Variants in MAST2 observed in about 807,000 individuals in gnomAD.
The protein encoded by MAST2 is microtubule associated serine/threonine kinase 2, also known as microtubule-associated serine/threonine-protein kinase 2.
MAST2 carries 70 observed loss-of-function variants against 147.4 expected under a neutral mutation model. The ratio of observed to expected loss-of-function variants is 0.47; its 90% CI spans 0.39 to 0.58. MAST2 has a LOEUF of 0.58. Among genes scored for constraint, MAST2 ranks in the 20% least tolerant of loss-of-function variants. The pLI, the probability that MAST2 is intolerant of heterozygous loss-of-function variation, is 0.00. For missense variants in MAST2, 2,080 were observed against 2,302.3 expected (o/e 0.90, Z 1.98); for synonymous variants, 869 against 896.8 (o/e 0.97, Z 0.55).
chr1:45,884,622 T>A lies in MAST2; in HGVS notation c.500+2227T>A, dbSNP rs182148609. Among the ~76,000 whole-genome samples, 306 of 152,310 alleles carry A rather than the reference T, an allele frequency of 2.0e-3. 1 individual carries two copies. The highest frequency in any genetic ancestry group is 3.7e-3 in the Non-Finnish European group (252 of 68,024). ...AGAGTGATCTAAGTTCTGAGGCTGT[T>A]AAGATTCAATTAGATAAATTCTTCT... On this transcript the variant is annotated intron_variant, in intron 4 of 28. Coordinates refer to ENST00000361297, the MANE Select transcript of MAST2 (RefSeq NM_015112.3).
chr1:45,973,703 C>G (rs1481451678), intron 5 of MAST2, among the ~76,000 whole-genome samples: 2 of 152,012 alleles, frequency 1.3e-5, no homozygotes, highest in Non-Finnish European at 2.9e-5. Context: ...AGGAGAGACC[C>G]AAAAGGAAAG....
At chr1:45,895,803 TGAAA>T (rs1182233150) in intron 4 of MAST2, among the ~76,000 whole-genome samples, 2 of 152,202 alleles carry the variant, frequency 1.3e-5, no homozygotes, top group African/African-American at 4.8e-5. Flanking sequence ...TTTATACAAT[TGAAA>T]ATGGCAAAAT....
chr1:46,014,208 G>A (rs189173205), intron 10 of MAST2, among the ~76,000 whole-genome samples: 1 of 151,334 alleles, frequency 6.6e-6, no homozygotes, highest in East Asian at 1.9e-4. Flanking sequence ...AAGTTTTAGG[G>A]TACATGTGCA....
At chr1:45,934,375 A>G (rs1010130254) in intron 4 of MAST2, among the ~76,000 whole-genome samples, 1 of 152,010 alleles carries the variant, frequency 6.6e-6, no homozygotes, top group Non-Finnish European at 1.5e-5. Context: ...ATTTCCAGCT[A>G]CTCGGGAGGC....
At chr1:45,832,711 G>T (rs10890353) in intron 3 of MAST2, among the ~76,000 whole-genome samples, 50,566 of 151,996 alleles carry the variant, frequency 0.33, 8,685 homozygotes, top group African/African-American at 0.41. Flanking sequence ...GGGATTCCCG[G>T]ACTGAGGTTA....
intron 4 of MAST2, among the ~76,000 whole-genome samples, chr1:45,934,845 A>T (rs11211229): frequency 6.6e-6 from 1 of 152,066 alleles, no homozygotes; most frequent in Non-Finnish European, 1.5e-5. Context: ...TATAGTGAAT[A>T]GTGCTGTGAT....
At chr1:45,889,641 C>G (rs184364116) in intron 4 of MAST2, among the ~76,000 whole-genome samples, 36 of 152,166 alleles carry the variant, frequency 2.4e-4, no homozygotes, top group Middle Eastern at 3.4e-3. Flanking sequence ...GAATCTCACT[C>G]TGTTGCCAGG....
intron 6 of MAST2, among the ~76,000 whole-genome samples, chr1:46,002,118 C>T (rs1433774377): frequency 6.6e-6 from 1 of 151,934 alleles, no homozygotes; most frequent in Non-Finnish European, 1.5e-5. Context: ...GGTGGGGGGG[C>T]ATGTTTTGTT....
chr1:45,927,369 G>A (rs1048973459), intron 4 of MAST2, among the ~76,000 whole-genome samples: 2 of 152,144 alleles, frequency 1.3e-5, no homozygotes, highest in African/African-American at 2.4e-5. Flanking sequence ...GCCTGGGAGC[G>A]CTATGGGAGA....
chr1:45,847,063 G>C lies in MAST2; in HGVS notation c.468+17482G>C, dbSNP rs140469489. 1.4e-5 allele frequency: 6 copies of C among 431,550 alleles called. No homozygotes were observed. The East Asian group carries it at 3.9e-4, about 28-fold the overall frequency. 26.7% of individuals were successfully genotyped at this position (431,550 alleles called of 1,614,324 possible). On this transcript the variant is annotated intron_variant, in intron 3 of 28. Coordinates refer to ENST00000361297, the MANE Select transcript of MAST2 (RefSeq NM_015112.3). ...TTTAGTTCCAATTCCACTAAATCTTGGTCTGTAGTTATAATAGTTTTCCTC... is the reference window on the plus strand; with the variant it reads ...TTTAGTTCCAATTCCACTAAATCTTCGTCTGTAGTTATAATAGTTTTCCTC...
intron 4 of MAST2, among the ~76,000 whole-genome samples, chr1:45,939,979 G>GTTTTTTTTTTTT (rs148351945): frequency 3.5e-5 from 1 of 28,650 alleles, no homozygotes; most frequent in Non-Finnish European, 5.7e-5. Context: ...ATTTATTTAG[G>GTTTTTTTTTTTT]GTTTTTTTTT....
intron 3 of MAST2, among the ~76,000 whole-genome samples, chr1:45,881,951 C>T (rs985823392): frequency 1.5e-5 from 2 of 132,496 alleles, no homozygotes; most frequent in South Asian, 2.5e-4. Context: ...CCGAGGCGGG[C>T]GGATCACGAG....
At chr1:45,869,097 T>G (rs1034887217) in intron 3 of MAST2, among the ~76,000 whole-genome samples, 23 of 152,254 alleles carry the variant, frequency 1.5e-4, no homozygotes, top group Admixed American at 1.4e-3. Context: ...TTTGTTTTTT[T>G]CATAGTCATT....
At chr1:45,824,216 T>C (rs538945623) in intron 1 of MAST2, among the ~76,000 whole-genome samples, 35 of 152,326 alleles carry the variant, frequency 2.3e-4, no homozygotes, top group Non-Finnish European at 4.3e-4. Context: ...TTCTCACCTA[T>C]TTTTCCTTTG....
intron 4 of MAST2, among the ~76,000 whole-genome samples, chr1:45,941,486 C>T (rs1011593477): frequency 1.3e-5 from 2 of 152,182 alleles, no homozygotes; most frequent in African/African-American, 4.8e-5. Context: ...TCTTGAACTT[C>T]TGACCTTGTG....
chr1:45,947,426 G>A (rs1658224193), intron 4 of MAST2, among the ~76,000 whole-genome samples: 1 of 151,998 alleles, frequency 6.6e-6, no homozygotes, highest in African/African-American at 2.4e-5. Context: ...TGGGCTGCCA[G>A]TTGGACAAGT....
chr1:45,908,978 G>C (rs1651224680), intron 4 of MAST2, among the ~76,000 whole-genome samples: 1 of 152,158 alleles, frequency 6.6e-6, no homozygotes, highest in Admixed American at 6.5e-5. Context: ...AGAATGGCTA[G>C]TTCTCTTTCG....
At chr1:45,815,150 G>T (rs1644414170) in intron 1 of MAST2, among the ~76,000 whole-genome samples, 2 of 151,314 alleles carry the variant, frequency 1.3e-5, no homozygotes, top group South Asian at 4.2e-4. Flanking sequence ...CGTTATTTCA[G>T]CAAAGCAGAA....
chr1:45,932,923 T>C (rs1433155081), intron 4 of MAST2, among the ~76,000 whole-genome samples: 1 of 151,984 alleles, frequency 6.6e-6, no homozygotes, highest in East Asian at 1.9e-4. Flanking sequence ...TTGAGCTTTT[T>C]CTCTAGGCAG....
Sources: gnomAD v4.1 joint callset for allele counts (sites outside exome capture counted in the v4.1 genomes callset) on GRCh38, gnomAD v4.1.1 for gene constraint, MANE v1.5 for transcripts, NCBI Gene and HGNC (gene_info 2026-07-23, HGNC 2026-07-21) for gene names.